SV2C: variants seen among roughly 807,000 people sequenced by gnomAD.
SV2C encodes the protein solute carrier family 22 member B3.
Under a neutral mutation model 79.7 loss-of-function variants are expected in SV2C, and 49 were observed. That is an observed-to-expected ratio of 0.61 (90% CI 0.49 to 0.78). The LOEUF is 0.78. Among genes scored for constraint, SV2C ranks in the 30% least tolerant of loss-of-function variants. The pLI is 0.00. For synonymous variants in SV2C, 334 were observed against 333.2 expected, an observed-to-expected ratio of 1.00 and a Z score of -0.03; for missense variants, 833 against 912.9, an observed-to-expected ratio of 0.91 and a Z score of 1.13.
the SV2C span, among the ~76,000 whole-genome samples, chr5:76,042,443 A>G: frequency 2.6e-5 from 4 of 152,200 alleles, no homozygotes; most frequent in South Asian, 4.1e-4. Flanking sequence ...ACACATCAGA[A>G]ATGTTTCATA....
the SV2C span, among the ~76,000 whole-genome samples, chr5:75,939,421 G>A: frequency 6.6e-6 from 1 of 152,042 alleles, no homozygotes; most frequent in Non-Finnish European, 1.5e-5. Context: ...GGACACTAAA[G>A]TCATCAGACC....
chr5:75,985,893 G>T, the SV2C span, among the ~76,000 whole-genome samples: 1 of 151,450 alleles, frequency 6.6e-6, no homozygotes, highest in Non-Finnish European at 1.5e-5. Flanking sequence ...GTTAGTTTTG[G>T]AAACACCTTT....
intron 2 of SV2C, among the ~76,000 whole-genome samples, chr5:76,144,803 A>G (rs915540729): frequency 6.6e-6 from 1 of 151,246 alleles, no homozygotes; most frequent in Admixed American, 6.6e-5. Flanking sequence ...CTGGATTTTA[A>G]GTACAGTCAG....
the SV2C span, among the ~76,000 whole-genome samples, chr5:75,935,065 A>G: frequency 1.2e-4 from 18 of 152,252 alleles, no homozygotes; most frequent in South Asian, 1.9e-3. Flanking sequence ...TATTTCCTAT[A>G]TGGTTACAGT....
At chr5:76,010,638 A>T in the SV2C span, among the ~76,000 whole-genome samples, 1 of 152,168 alleles carries the variant, frequency 6.6e-6, no homozygotes, top group Non-Finnish European at 1.5e-5. Context: ...ATGACATTAA[A>T]ATTACTTCTA....
the SV2C span, among the ~76,000 whole-genome samples, chr5:75,940,080 A>G: frequency 6.6e-6 from 1 of 152,192 alleles, no homozygotes; most frequent in Non-Finnish European, 1.5e-5. Flanking sequence ...GAAGAGAGAA[A>G]CCTTGCTTTT....
chr5:75,937,606 G>C, the SV2C span, among the ~76,000 whole-genome samples: 1 of 152,150 alleles, frequency 6.6e-6, no homozygotes, highest in Non-Finnish European at 1.5e-5. Flanking sequence ...CTACTCAGAA[G>C]GCAGAAGTGG....
At chr5:75,964,637 C>T in the SV2C span, among the ~76,000 whole-genome samples, 1 of 152,180 alleles carries the variant, frequency 6.6e-6, no homozygotes, top group Admixed American at 6.5e-5. Flanking sequence ...AAAGCTTCCA[C>T]AAAATATTCT....
intron 2 of SV2C, among the ~76,000 whole-genome samples, chr5:76,192,211 G>T (rs1744126813): frequency 6.6e-6 from 1 of 152,282 alleles, no homozygotes; most frequent in South Asian, 2.1e-4. Context: ...TTACTTGGGG[G>T]TCTTATTCAA....
At chr5:75,969,867 T>C in the SV2C span, among the ~76,000 whole-genome samples, 2 of 152,066 alleles carry the variant, frequency 1.3e-5, no homozygotes, top group African/African-American at 4.8e-5. Context: ...CAACAGAATA[T>C]ACATTCTTCT....
the SV2C span, among the ~76,000 whole-genome samples, chr5:75,947,969 C>G: frequency 6.6e-6 from 1 of 151,900 alleles, no homozygotes; most frequent in East Asian, 1.9e-4. Context: ...CTTAAAATGA[C>G]TGGCAGATCT....
At chr5:76,178,026 G>T (rs115272087) in intron 2 of SV2C, among the ~76,000 whole-genome samples, 121 of 152,214 alleles carry the variant, frequency 7.9e-4, no homozygotes, top group African/African-American at 2.9e-3. Flanking sequence ...TCATAAGTCT[G>T]TTTCTCATGC....
At chr5:76,017,311 G>C in the SV2C span, among the ~76,000 whole-genome samples, 3 of 152,092 alleles carry the variant, frequency 2.0e-5, no homozygotes, top group Non-Finnish European at 4.4e-5. Context: ...GTTTGAGAAG[G>C]AGTCTTGCTC....
the SV2C span, among the ~76,000 whole-genome samples, chr5:76,055,181 T>C: frequency 6.6e-6 from 1 of 152,174 alleles, no homozygotes; most frequent in African/African-American, 2.4e-5. Flanking sequence ...TTGTGTAAGG[T>C]GTAAGGAAGG....
intron 12 of SV2C, among the ~76,000 whole-genome samples, chr5:76,345,926 C>T (rs1749528940): frequency 6.6e-6 from 1 of 152,088 alleles, no homozygotes; most frequent in African/African-American, 2.4e-5. Flanking sequence ...GTAGAAAGCC[C>T]CAAAATACCT....
At chr5:76,015,698 A>G in the SV2C span, among the ~76,000 whole-genome samples, 3 of 152,186 alleles carry the variant, frequency 2.0e-5, no homozygotes, top group Admixed American at 1.3e-4. Flanking sequence ...AGCTATTTTT[A>G]ATGTATAATT....
At chr5:76,312,535 G>C (rs895282397) in intron 12 of SV2C, among the ~76,000 whole-genome samples, 1 of 152,148 alleles carries the variant, frequency 6.6e-6, no homozygotes, top group Admixed American at 6.5e-5. Context: ...TTACAGACAT[G>C]AGCCAGCGTG....
chr5:76,336,294 G>C (rs1280562572), downstream of SV2C, among the ~76,000 whole-genome samples: 1 of 151,502 alleles, frequency 6.6e-6, no homozygotes, highest in African/African-American at 2.4e-5. Flanking sequence ...CTCTCAGACG[G>C]GGCGGCCGGG....
the SV2C span, among the ~76,000 whole-genome samples, chr5:75,960,212 A>AT: frequency 3.3e-5 from 5 of 151,746 alleles, no homozygotes; most frequent in East Asian, 3.9e-4. Context: ...CTATTAACTG[A>AT]TTTTTTTTGC....
Sources: gnomAD v4.1 joint callset for allele counts (sites outside exome capture counted in the v4.1 genomes callset) on GRCh38, gnomAD v4.1.1 for gene constraint, MANE v1.5 for transcripts, NCBI Gene and HGNC (gene_info 2026-07-23, HGNC 2026-07-21) for gene names.